Variants in EYS observed in about 807,000 individuals in gnomAD.
EYS encodes EGF-like photoreceptor maintenance factor.
EYS carries 250 observed loss-of-function variants against 282.1 expected under a neutral mutation model. The observed-to-expected ratio is 0.89, with a 90% CI of 0.80 to 0.98. The LOEUF (loss-of-function observed/expected upper bound fraction) is 0.98. EYS is among the 50% of genes least tolerant of loss of function. The pLI is 0.00. For missense variants in EYS, 4,016 were observed against 3,709.0 expected (o/e 1.08, Z -2.15); for synonymous variants, 1,355 against 1,282.9 (o/e 1.06, Z -1.20).
intron 14 of EYS, among the ~76,000 whole-genome samples, chr6:64,948,940 G>A (rs1260213112): frequency 6.6e-6 from 1 of 151,792 alleles, no homozygotes; most frequent in Non-Finnish European, 1.5e-5. Flanking sequence ...AGACAAAGCT[G>A]TCAAGTTTGA....
chr6:64,301,975 CTG>C (rs1308148830), intron 30 of EYS, among the ~76,000 whole-genome samples: 3 of 152,196 alleles, frequency 2.0e-5, no homozygotes, highest in Admixed American at 6.5e-5. Flanking sequence ...TCTGCTTACT[CTG>C]TTTATTTACT....
At chr6:65,627,588 G>T (rs1329604576) in intron 2 of EYS, among the ~76,000 whole-genome samples, 1 of 152,158 alleles carries the variant, frequency 6.6e-6, no homozygotes, top group African/African-American at 2.4e-5. Flanking sequence ...GGAGTTCCGG[G>T]TCAGCTGGAG....
In EYS at chr6:64,559,741, T is replaced by G. The variant is rs375744816; in HGVS notation, c.5644+30482A>C. ...TTTTTGAAAATGCATACACATTTTA[T>G]ATACTACTCTTTTTTAAAAAAAAAT... On this transcript the variant is annotated intron_variant, in intron 26 of 42. Coordinates refer to ENST00000503581, the MANE Select transcript of EYS (RefSeq NM_001142800.2). Among the ~76,000 whole-genome samples the G allele has an allele frequency of 1.9e-4, 29 of 152,046 alleles. 2 individuals carry two copies. Among genetic ancestry groups the G allele is most frequent in the Admixed American group, 1.6e-3 (24 of 15,268 alleles).
At chr6:64,756,405 C>G (rs1223649723) in intron 22 of EYS, among the ~76,000 whole-genome samples, 1 of 152,040 alleles carries the variant, frequency 6.6e-6, no homozygotes, top group Admixed American at 6.6e-5. Flanking sequence ...ATTAGATGCA[C>G]ATAGAATATG....
At chr6:64,499,466 A>C (rs1466345807) in intron 26 of EYS, among the ~76,000 whole-genome samples, 1 of 152,102 alleles carries the variant, frequency 6.6e-6, no homozygotes, top group African/African-American at 2.4e-5. Context: ...TTAAATCTAG[A>C]CTTTTGGAGT....
At chr6:65,534,493 T>G (rs1767894857) in intron 2 of EYS, among the ~76,000 whole-genome samples, 1 of 152,084 alleles carries the variant, frequency 6.6e-6, no homozygotes, top group Non-Finnish European at 1.5e-5. Flanking sequence ...AGTAGAGCTC[T>G]GACCCACCTC....
At position 63,736,185 on chromosome 6, in the gene EYS, C is replaced by T. The variant is rs554046549; in HGVS notation, c.8072-9505G>A. Among the ~76,000 whole-genome samples, 3 of 152,244 alleles carry T rather than the reference C, an allele frequency of 2.0e-5. No homozygotes were observed. The South Asian group carries it at 6.2e-4, about 32-fold the overall frequency. ...CATGCCTATGTCCTGAATGGTATTGCCTAGGTTTTTCTTCTAGGGTTTTTA... is the reference window on the plus strand; with the variant it reads ...CATGCCTATGTCCTGAATGGTATTGTCTAGGTTTTTCTTCTAGGGTTTTTA... On this transcript the variant is annotated intron_variant, in intron 41 of 42. Coordinates refer to ENST00000503581, the MANE Select transcript of EYS (RefSeq NM_001142800.2).
intron 34 of EYS, among the ~76,000 whole-genome samples, chr6:63,988,914 G>A (rs1308708278): frequency 6.6e-6 from 1 of 151,552 alleles, no homozygotes; most frequent in Non-Finnish European, 1.5e-5. Context: ...AGGCAAAGGG[G>A]AAGTAAAATT....
chr6:64,075,479 A>G (rs1195630306), intron 32 of EYS, among the ~76,000 whole-genome samples: 1 of 151,952 alleles, frequency 6.6e-6, no homozygotes, highest in Non-Finnish European at 1.5e-5. Context: ...AAAAAACACT[A>G]GTAATACACA....
intron 36 of EYS, among the ~76,000 whole-genome samples, chr6:63,829,607 G>C (rs1289172585): frequency 6.6e-6 from 1 of 152,232 alleles, no homozygotes; most frequent in East Asian, 1.9e-4. Context: ...AAGGAGGCCT[G>C]CCTGCCTCTG....
rs146821436 is a variant in EYS, at chr6:64,509,790, G to A, written c.5645-70438C>T. On this transcript the variant is annotated intron_variant, in intron 26 of 42. Coordinates refer to ENST00000503581, the MANE Select transcript of EYS (RefSeq NM_001142800.2). The stretch of plus-strand genomic sequence containing the variant: ...AATTATGTGTGTGATATTTTCAATA[G>A]CGTGCAGTATAGAAAGGAAAAGAAA... Among the ~76,000 whole-genome samples the A allele has an allele frequency of 9.2e-5, 14 of 152,172 alleles. No homozygotes were observed. In the East Asian group the frequency reaches 2.7e-3, roughly 29 times the overall value.
chr6:65,106,097 G>A (rs1011324781), intron 12 of EYS, among the ~76,000 whole-genome samples: 1 of 151,782 alleles, frequency 6.6e-6, no homozygotes, highest in South Asian at 2.1e-4. Flanking sequence ...AGTAAATTCT[G>A]GAATTGACCT....
chr6:65,140,057 A>C (rs1347846689), intron 12 of EYS, among the ~76,000 whole-genome samples: 2 of 152,088 alleles, frequency 1.3e-5, no homozygotes, highest in African/African-American at 4.8e-5. Context: ...TGACAATACC[A>C]AAATGTGACA....
intron 22 of EYS, among the ~76,000 whole-genome samples, chr6:64,675,942 T>C (rs1368511909): frequency 6.6e-6 from 1 of 150,770 alleles, no homozygotes; most frequent in Non-Finnish European, 1.5e-5. Flanking sequence ...TCTTTATATA[T>C]ATCTAGATAT....
At chr6:64,607,287 G>A (rs374968236) in intron 24 of EYS, among the ~76,000 whole-genome samples, 1 of 150,322 alleles carries the variant, frequency 6.7e-6, no homozygotes, top group African/African-American at 2.4e-5. Context: ...AGAAGTTTTG[G>A]TTAAAAAAAA....
chr6:65,276,241 T>A (rs572253073), intron 12 of EYS, among the ~76,000 whole-genome samples: 1 of 152,270 alleles, frequency 6.6e-6, no homozygotes, highest in East Asian at 1.9e-4. Flanking sequence ...ATAGATGAGT[T>A]ATTTCTCCCA....
chr6:64,195,026 T>C (rs1282268861), intron 31 of EYS, among the ~76,000 whole-genome samples: 2 of 152,108 alleles, frequency 1.3e-5, no homozygotes, highest in African/African-American at 4.8e-5. Flanking sequence ...TTTTTATATA[T>C]TTTAATTCTA....
chr6:65,578,535 G>A (rs1448311049), intron 2 of EYS, among the ~76,000 whole-genome samples: 1 of 151,596 alleles, frequency 6.6e-6, no homozygotes, highest in Non-Finnish European at 1.5e-5. Flanking sequence ...ACATCATGGT[G>A]ACCACAGTAA....
chr6:63,979,770 C>G (rs1319456708), intron 35 of EYS, among the ~76,000 whole-genome samples: 1 of 151,864 alleles, frequency 6.6e-6, no homozygotes, highest in Non-Finnish European at 1.5e-5. Flanking sequence ...CTGAATTTCA[C>G]TACATGCAAT....
Sources: gnomAD v4.1 joint callset for allele counts (sites outside exome capture counted in the v4.1 genomes callset) on GRCh38, gnomAD v4.1.1 for gene constraint, MANE v1.5 for transcripts, NCBI Gene and HGNC (gene_info 2026-07-23, HGNC 2026-07-21) for gene names.